Variants in FRMPD4 observed in about 807,000 individuals in gnomAD.
FRMPD4 encodes FERM and PDZ domain containing 4, also known as FERM and PDZ domain-containing protein 4.
Under a neutral mutation model 94.1 loss-of-function variants are expected in FRMPD4, and 22 were observed. That is an observed-to-expected ratio of 0.23 (90% CI 0.17 to 0.33). FRMPD4 has a LOEUF of 0.33. Ranked by LOEUF, FRMPD4 falls within the 10% of genes least tolerant of loss-of-function variation. The pLI is 1.00. For missense variants in FRMPD4, 1,111 were observed against 1,339.9 expected (o/e 0.83, Z 2.67); for synonymous variants, 631 against 548.6 (o/e 1.15, Z -2.10).
chrX:12,064,630 T>G (rs1265534226), intron 3 of FRMPD4, among the ~76,000 whole-genome samples: 1 of 111,633 alleles, frequency 9.0e-6, no homozygotes, highest in Non-Finnish European at 1.9e-5. Context: ...CAAAGTGAGG[T>G]GCAGATGAGT....
intron 2 of FRMPD4, among the ~76,000 whole-genome samples, chrX:12,526,827 A>C (rs926566038): frequency 8.9e-6 from 1 of 112,581 alleles, no homozygotes; most frequent in African/African-American, 3.2e-5. Flanking sequence ...CTTATGCTTT[A>C]AAATAATGTT....
chrX:11,856,090 T>C (rs1172220087), intron 1 of FRMPD4, among the ~76,000 whole-genome samples: 3 of 111,591 alleles, frequency 2.7e-5, no homozygotes, highest in Admixed American at 9.5e-5. Flanking sequence ...GGGGAGATAA[T>C]GAGTGCCCAG....
chrX:11,959,751 T>C (rs760757155), intron 3 of FRMPD4, among the ~76,000 whole-genome samples: 11 of 111,543 alleles, frequency 9.9e-5, no homozygotes, highest in African/African-American at 3.6e-4. Context: ...TAACTAGCCA[T>C]GTCTGACCTC....
Position 12,683,471 on chromosome X carries a change from C to A in FRMPD4, c.469-12C>A, listed in dbSNP as rs761588790. On this transcript the variant is annotated splice_polypyrimidine_tract_variant and intron_variant, in intron 5 of 16. Transcript: ENST00000675598. Reference sequence around the variant, plus strand: ...TACCAGTAATCAGATAAAATGTTTTCTTTTCTTCTAGTCTCCCAAATCAGC... The same window carrying A: ...TACCAGTAATCAGATAAAATGTTTTATTTTCTTCTAGTCTCCCAAATCAGC... 5 of 948,790 alleles carry A rather than the reference C, an allele frequency of 5.3e-6. No homozygotes were observed. Among genetic ancestry groups the A allele is most frequent in the Middle Eastern group, 2.7e-4 (1 of 3,755 alleles). 78.2% of individuals were successfully genotyped at this position (948,790 alleles called of 1,213,427 possible).
intron 1 of FRMPD4, among the ~76,000 whole-genome samples, chrX:12,255,676 C>T (rs2054103985): frequency 8.9e-6 from 1 of 111,821 alleles, no homozygotes; most frequent in Non-Finnish European, 1.9e-5. Context: ...ATATTTTGGG[C>T]ATTCAAAATT....
chrX:11,929,259 A>C (rs900818648), intron 3 of FRMPD4, among the ~76,000 whole-genome samples: 1 of 112,429 alleles, frequency 8.9e-6, no homozygotes, highest in African/African-American at 3.2e-5. Context: ...TTAAAAGTTA[A>C]CTAAAAAGAG....
At chrX:12,465,663 C>A (rs896947434) in intron 1 of FRMPD4, among the ~76,000 whole-genome samples, 1 of 111,718 alleles carries the variant, frequency 9.0e-6, no homozygotes, top group African/African-American at 3.2e-5. Context: ...ATTTAAAGAT[C>A]AGGGTTTTAA....
intron 8 of FRMPD4, among the ~76,000 whole-genome samples, chrX:12,691,185 A>G (rs1477498142): frequency 8.9e-6 from 1 of 112,347 alleles, no homozygotes; most frequent in East Asian, 2.8e-4. Context: ...AGATTAGTTC[A>G]AAAGTTGCCA....
intron 1 of FRMPD4, among the ~76,000 whole-genome samples, chrX:12,217,993 G>C (rs989861160): frequency 8.9e-6 from 1 of 111,932 alleles, no homozygotes; most frequent in African/African-American, 3.3e-5. Flanking sequence ...TATGTAGCTA[G>C]TCAGTATAAA....
chrX:12,631,552 ACC>A (rs1483380227), intron 4 of FRMPD4, among the ~76,000 whole-genome samples: 3 of 103,296 alleles, frequency 2.9e-5, no homozygotes, highest in African/African-American at 1.1e-4. Flanking sequence ...CTAGCCCCCC[ACC>A]CCACAACAGG....
In FRMPD4 at chrX:11,895,543, A is replaced by G. The variant is rs1056233310; in HGVS notation, c.95+17525A>G. On this transcript the variant is annotated intron_variant, in intron 3 of 18. Transcript: ENST00000640291. ...AGGTTCATCCAATATAACATGCATT[A>G]CCTTATTAAACTCAGCAAATTTTTT... Among the ~76,000 whole-genome samples the G allele has an allele frequency of 4.5e-5, 5 of 111,830 alleles. No homozygotes were observed. The East Asian group carries it at 1.4e-3, about 31-fold the overall frequency.
chrX:12,070,825 G>A (rs1296321794), intron 3 of FRMPD4, among the ~76,000 whole-genome samples: 3 of 112,334 alleles, frequency 2.7e-5, no homozygotes, highest in Non-Finnish European at 3.8e-5. Context: ...TCAAAGATGA[G>A]CTCCAATTGA....
chrX:12,580,945 C>A (rs1354071686), intron 2 of FRMPD4, among the ~76,000 whole-genome samples: 1 of 112,232 alleles, frequency 8.9e-6, no homozygotes, highest in African/African-American at 3.2e-5. Flanking sequence ...CAGTTCATTT[C>A]TGGAATTTTA....
At chrX:12,019,707 A>G (rs961042881) in intron 3 of FRMPD4, among the ~76,000 whole-genome samples, 7 of 109,329 alleles carry the variant, frequency 6.4e-5, no homozygotes, top group African/African-American at 1.7e-4. Flanking sequence ...TCTGCTTTGA[A>G]GATATGGACC....
intron 9 of FRMPD4, among the ~76,000 whole-genome samples, chrX:12,698,359 A>G (rs4131434): frequency 0.03 from 3,321 of 111,624 alleles, 127 homozygotes; most frequent in African/African-American, 0.1. Flanking sequence ...CCTGTCCACT[A>G]TCTGTTAAGA....
At chrX:12,385,176 T>C (rs964875113) in intron 1 of FRMPD4, among the ~76,000 whole-genome samples, 3 of 112,654 alleles carry the variant, frequency 2.7e-5, no homozygotes, top group African/African-American at 9.7e-5. Context: ...GAAACAGGTA[T>C]GGAAGCACAG....
At chrX:11,991,786 T>G (rs1296289127) in intron 3 of FRMPD4, among the ~76,000 whole-genome samples, 4 of 112,417 alleles carry the variant, frequency 3.6e-5, no homozygotes, top group Non-Finnish European at 7.5e-5. Context: ...TAAAAACATG[T>G]AAACTAAGAT....
chrX:12,571,609 G>T (rs1190443992), intron 2 of FRMPD4, among the ~76,000 whole-genome samples: 1 of 112,594 alleles, frequency 8.9e-6, no homozygotes, highest in Admixed American at 9.3e-5. Flanking sequence ...CCATGTTCTG[G>T]CTTTTCTGGA....
intron 2 of FRMPD4, chrX:12,583,455 C>T: frequency 8.3e-7 from 1 of 1,202,159 alleles, no homozygotes; most frequent in Non-Finnish European, 1.1e-6. Flanking sequence ...CCTGGAACAC[C>T]TCTGGATCTT....
Sources: gnomAD v4.1 joint callset for allele counts (sites outside exome capture counted in the v4.1 genomes callset) on GRCh38, gnomAD v4.1.1 for gene constraint, MANE v1.5 for transcripts, NCBI Gene and HGNC (gene_info 2026-07-23, HGNC 2026-07-21) for gene names.